The following TCF4 variants were observed in gnomAD, a reference collection of about 807,000 sequenced individuals.
TCF4 encodes transcription factor 4.
TCF4 carries 3 observed loss-of-function variants against 82.1 expected under a neutral mutation model. The observed-to-expected ratio is 0.04, with a 90% CI of 0.02 to 0.09. TCF4 has a LOEUF of 0.09. TCF4 is among the 10% of genes least tolerant of loss of function. TCF4 has a pLI of 1.00. For synonymous variants in TCF4, 276 were observed against 309.6 expected (o/e 0.89, Z 1.14); for missense variants, 518 against 852.7 (o/e 0.61, Z 4.89).
In TCF4 at chr18:55,312,481, A is replaced by G. The variant is rs1153640; in HGVS notation, c.550-32825T>C. ...GCACCATAAAACCAAAACTTCCTTC[A>G]TAAGAAACAATTCCGTATGGTTTTG... On this transcript the variant is annotated intron_variant, in intron 8 of 19. Transcript: ENST00000354452. Among the ~76,000 whole-genome samples, 231 of 152,332 alleles carry G rather than the reference A, an allele frequency of 1.5e-3. 1 individual carries two copies. Among genetic ancestry groups the G allele is most frequent in the African/African-American group, 5.3e-3 (219 of 41,586 alleles).
intron 5 of TCF4, among the ~76,000 whole-genome samples, chr18:55,408,752 C>T (rs1376125895): frequency 6.6e-6 from 1 of 152,066 alleles, no homozygotes; most frequent in Non-Finnish European, 1.5e-5. Flanking sequence ...AGGATTCAAA[C>T]CCTGGCAGTT....
chr18:55,573,746 C>A (rs992723631), intron 3 of TCF4, among the ~76,000 whole-genome samples: 1 of 152,198 alleles, frequency 6.6e-6, no homozygotes, highest in African/African-American at 2.4e-5. Context: ...TCTTCTCAGG[C>A]CACACACCTC....
chr18:55,309,085 CATCA>C (rs1309867747), intron 8 of TCF4, among the ~76,000 whole-genome samples: 2 of 151,886 alleles, frequency 1.3e-5, no homozygotes, highest in African/African-American at 2.4e-5. Flanking sequence ...CATTGACTGA[CATCA>C]TTTATTTATT....
chr18:55,577,542 G>C (rs964758292), intron 3 of TCF4, among the ~76,000 whole-genome samples: 1 of 152,032 alleles, frequency 6.6e-6, no homozygotes, highest in Non-Finnish European at 1.5e-5. Context: ...TTCATGGCTT[G>C]CTCCTCAGCA....
intron 3 of TCF4, among the ~76,000 whole-genome samples, chr18:55,532,067 A>G (rs1335850788): frequency 1.3e-5 from 2 of 152,232 alleles, no homozygotes; most frequent in Non-Finnish European, 2.9e-5. Context: ...ATTTACTCCC[A>G]TTACTAAATT....
At chr18:55,494,917 T>C (rs1489572655) in intron 3 of TCF4, among the ~76,000 whole-genome samples, 2 of 151,704 alleles carry the variant, frequency 1.3e-5, no homozygotes, top group Non-Finnish European at 2.9e-5. Context: ...AAGGAGTACC[T>C]TATTGCAACA....
chr18:55,584,310 G>T (rs1343567142), intron 3 of TCF4, among the ~76,000 whole-genome samples: 1 of 152,050 alleles, frequency 6.6e-6, no homozygotes, highest in Non-Finnish European at 1.5e-5. Flanking sequence ...ACATTTACCA[G>T]TCTGACTTAA....
chr18:55,566,428 C>T (rs538366754), intron 3 of TCF4, among the ~76,000 whole-genome samples: 35 of 151,844 alleles, frequency 2.3e-4, no homozygotes, highest in African/African-American at 8.4e-4. Flanking sequence ...TAAATTTATA[C>T]ACATAAATAA....
At chr18:55,571,164 G>A (rs1351519279) in intron 3 of TCF4, among the ~76,000 whole-genome samples, 1 of 151,718 alleles carries the variant, frequency 6.6e-6, no homozygotes, top group Non-Finnish European at 1.5e-5. Context: ...CCAAAAAAGA[G>A]GAACACAAAG....
At chr18:55,359,726 T>C (rs889352667) in intron 6 of TCF4, among the ~76,000 whole-genome samples, 1 of 152,260 alleles carries the variant, frequency 6.6e-6, no homozygotes, top group African/African-American at 2.4e-5. Context: ...GAATGCTTCA[T>C]ACAAAACATA....
At chr18:55,596,871 T>C (rs192558298) in intron 2 of TCF4, among the ~76,000 whole-genome samples, 12 of 152,152 alleles carry the variant, frequency 7.9e-5, no homozygotes, top group Admixed American at 2.0e-4. Context: ...AGATGGGTGA[T>C]ATGGTTTGTC....
chr18:55,425,538 A>G (rs1464610509), intron 5 of TCF4, among the ~76,000 whole-genome samples: 1 of 151,346 alleles, frequency 6.6e-6, no homozygotes, highest in Non-Finnish European at 1.5e-5. Context: ...CAGAAAACAT[A>G]TTAACATCTT....
chr18:55,298,426 T>C (rs1252583678), intron 8 of TCF4, among the ~76,000 whole-genome samples: 1 of 152,344 alleles, frequency 6.6e-6, no homozygotes, highest in South Asian at 2.1e-4. Context: ...TGACCCACCA[T>C]GTTCGAAGAC....
chr18:55,381,763 G>A (rs2091928680), intron 6 of TCF4, among the ~76,000 whole-genome samples: 1 of 152,160 alleles, frequency 6.6e-6, no homozygotes, highest in African/African-American at 2.4e-5. Context: ...ATGGAATTTA[G>A]CAGCAAGAAT....
chr18:55,400,782 ACT>A, intron 6 of TCF4: 1 of 338,816 alleles, frequency 3.0e-6, no homozygotes. Context: ...GCTTACCACC[ACT>A]CTGTCTCTAC....
At chr18:55,429,994 T>C (rs1457569478) in intron 5 of TCF4, among the ~76,000 whole-genome samples, 2 of 152,044 alleles carry the variant, frequency 1.3e-5, no homozygotes, top group Non-Finnish European at 2.9e-5. Flanking sequence ...TCTTTTTGCA[T>C]ATGGACGACT....
intron 6 of TCF4, among the ~76,000 whole-genome samples, chr18:55,370,739 T>C (rs1332571934): frequency 6.6e-6 from 1 of 151,974 alleles, no homozygotes; most frequent in Non-Finnish European, 1.5e-5. Flanking sequence ...TCTCCTTAGA[T>C]AGGAATAAAA....
chr18:55,635,922 G>A, exon 1 of TCF4: 1 of 1,576,210 alleles, frequency 6.3e-7, no homozygotes, highest in Non-Finnish European at 8.6e-7. Context: ...GGCCGCATAA[G>A]TGCCAATCTA....
intron 6 of TCF4, among the ~76,000 whole-genome samples, chr18:55,394,244 G>A (rs2093352648): frequency 6.6e-6 from 1 of 152,154 alleles, no homozygotes; most frequent in Non-Finnish European, 1.5e-5. Context: ...CTGTGTGCTT[G>A]CACAGTAAAA....
Sources: gnomAD v4.1 joint callset for allele counts (sites outside exome capture counted in the v4.1 genomes callset) on GRCh38, gnomAD v4.1.1 for gene constraint, MANE v1.5 for transcripts, NCBI Gene and HGNC (gene_info 2026-07-23, HGNC 2026-07-21) for gene names.